Variants in ACOT12 observed in about 807,000 individuals in gnomAD.
The protein encoded by ACOT12 is acetyl-coenzyme A thioesterase.
A neutral mutation model predicts 67.7 loss-of-function variants in ACOT12; 51 were observed. The observed-to-expected ratio is 0.75, with a 90% CI of 0.60 to 0.95. The LOEUF (loss-of-function observed/expected upper bound fraction) is 0.95, where lower values mean the gene tolerates loss of function less well. Ranked by LOEUF, ACOT12 falls within the 40% of genes least tolerant of loss-of-function variation. The probability of loss-of-function intolerance (pLI) is 0.00; values close to 1 mark genes in which losing one functional copy is unlikely to be tolerated. For synonymous variants in ACOT12, 251 were observed against 244.6 expected, an observed-to-expected ratio of 1.03 and a Z score of -0.24; for missense variants, 734 against 708.1, an observed-to-expected ratio of 1.04 and a Z score of -0.41.
intron 2 of ACOT12, among the ~76,000 whole-genome samples, chr5:81,384,423 C>A (rs1760673313): frequency 6.6e-6 from 1 of 152,022 alleles, no homozygotes; most frequent in South Asian, 2.1e-4. Context: ...CAGGTGTGAG[C>A]CACCACGCCT....
downstream of ACOT12, among the ~76,000 whole-genome samples, chr5:81,326,101 A>ACCCAG (rs1758667699): frequency 7.4e-6 from 1 of 135,558 alleles, no homozygotes; most frequent in Non-Finnish European, 1.6e-5. Flanking sequence ...GCGACTGCAC[A>ACCCAG]CCCAGCCCTG....
At position 81,344,848 on chromosome 5, in the gene ACOT12, A is replaced by G. The variant is rs377275541; in HGVS notation, c.924+43T>C. ...GAGGAGATTCTAGGTAGAGCTCTCT[A>G]TTCACAGGTCCGGCTATTGAACCTC... On this transcript the variant is annotated intron_variant, in intron 8 of 14. Transcript: ENST00000307624. 1.6e-5 allele frequency: 26 copies of G among 1,609,728 alleles called. 1 individual carries two copies. The highest frequency in any genetic ancestry group is 6.7e-5 in the East Asian group (3 of 44,834).
At chr5:81,323,864 A>G in the ACOT12 span, among the ~76,000 whole-genome samples, 6 of 146,272 alleles carry the variant, frequency 4.1e-5, no homozygotes, top group Admixed American at 3.5e-4. Flanking sequence ...GTATATGCAT[A>G]TGTATATATG....
intron 10 of ACOT12, 53 bp downstream of exon 10, chr5:81,343,764 AT>A: frequency 6.3e-7 from 1 of 1,582,788 alleles, no homozygotes; most frequent in Non-Finnish European, 8.6e-7. Flanking sequence ...GCGGATTTCC[AT>A]TTTTGTAATG....
chr5:81,317,250 C>G, the ACOT12 span, among the ~76,000 whole-genome samples: 1,056 of 152,186 alleles, frequency 6.9e-3, 21 homozygotes, highest in African/African-American at 0.024. Flanking sequence ...GCCTGTAATC[C>G]CAGCACTTTG....
At chr5:81,327,084 A>C (rs1449847978), downstream of ACOT12, among the ~76,000 whole-genome samples, 2 of 151,878 alleles carry the variant, frequency 1.3e-5, no homozygotes, top group Admixed American at 6.6e-5. Context: ...TAACTATGCC[A>C]GTAAAATGTC....
At position 81,344,332 on chromosome 5, in the gene ACOT12, T is replaced by C; in HGVS notation, c.925-117A>G. On this transcript the variant is annotated intron_variant, in intron 8 of 14. Transcript: ENST00000307624. ...GTCAAAAGGGCTAACTGAGATGTGGTGTCTCTCCATGAACTGACTTCATCA... is the reference window on the plus strand; with the variant it reads ...GTCAAAAGGGCTAACTGAGATGTGGCGTCTCTCCATGAACTGACTTCATCA... The C allele has an allele frequency of 3.1e-6, 3 of 981,864 alleles. No individual in the cohort carries two copies. The South Asian group carries it at 5.3e-5, about 17-fold the overall frequency. The allele number at this position is 981,864 out of a possible 1,614,324, so 60.8% of individuals were successfully genotyped here.
intron 2 of ACOT12, among the ~76,000 whole-genome samples, chr5:81,377,384 T>C (rs1760451618): frequency 1.3e-5 from 2 of 152,120 alleles, no homozygotes; most frequent in Admixed American, 6.6e-5. Flanking sequence ...GCCAATATAA[T>C]ACTGAATGGG....
intron 2 of ACOT12, among the ~76,000 whole-genome samples, chr5:81,377,783 T>G (rs1760464026): frequency 6.6e-6 from 1 of 152,168 alleles, no homozygotes; most frequent in Non-Finnish European, 1.5e-5. Context: ...TTACAAGGGA[T>G]GTGAAGGACC....
intron 2 of ACOT12, among the ~76,000 whole-genome samples, chr5:81,376,022 T>C (rs1242431125): frequency 6.6e-6 from 1 of 152,042 alleles, no homozygotes; most frequent in Non-Finnish European, 1.5e-5. Context: ...CCACCCCAAA[T>C]GAACAGAATA....
In ACOT12 at chr5:81,356,854, C is replaced by T. The variant is rs118134607; in HGVS notation, c.496+3049G>A. Among the ~76,000 whole-genome samples the T allele has an allele frequency of 5.3e-4, 80 of 152,104 alleles. No homozygotes were observed. The East Asian group carries it at 0.013, about 25-fold the overall frequency. ...GGTTTAGGCACCCCTCGCCTTTCGC[C>T]TGGTCTCTCTCCCTCTAGCCAGAGT... On this transcript the variant is annotated intron_variant, in intron 5 of 14. Transcript: ENST00000307624.
the ACOT12 span, among the ~76,000 whole-genome samples, chr5:81,314,267 G>A: frequency 1.3e-5 from 2 of 151,924 alleles, no homozygotes; most frequent in East Asian, 3.9e-4. Flanking sequence ...ACCACACCCC[G>A]CTAATTTTTG....
At position 81,330,658 on chromosome 5, in the gene ACOT12, CCTT is replaced by C. The variant is rs1198381372; in HGVS notation, c.1519-118_1519-116del. Reference sequence around the variant, plus strand: ...GCTAAGACCCTAATCTTCTGGGGGACCTTCTGGAATAGATGATCCGAAAGGATG... The same window carrying C: ...GCTAAGACCCTAATCTTCTGGGGGACCTGGAATAGATGATCCGAAAGGATG... On this transcript the variant is annotated intron_variant, in intron 14 of 14. Transcript: ENST00000307624. 3.4e-6 allele frequency: 5 copies of C among 1,472,806 alleles called. No homozygotes were observed. The African/African-American group carries it at 7.1e-5, about 21-fold the overall frequency. The allele number at this position is 1,472,806 out of a possible 1,614,324, so 91.2% of individuals were successfully genotyped here.
At chr5:81,313,751 A>G in the ACOT12 span, among the ~76,000 whole-genome samples, 1 of 152,202 alleles carries the variant, frequency 6.6e-6, no homozygotes, top group Non-Finnish European at 1.5e-5. Flanking sequence ...CCAAATAAGA[A>G]AAGAAACACT....
chr5:81,387,903 T>A (rs1760773222), intron 1 of ACOT12, among the ~76,000 whole-genome samples: 2 of 152,126 alleles, frequency 1.3e-5, no homozygotes, highest in Non-Finnish European at 2.9e-5. Context: ...AGTAAAAAAA[T>A]TAAACTTTTA....
chr5:81,371,658 T>A, intron 3 of ACOT12, 92 bp downstream of exon 3: 1 of 1,263,682 alleles, frequency 7.9e-7, no homozygotes, highest in South Asian at 1.2e-5. Context: ...TCTCACTAAC[T>A]CCAAATATTA....
intron 12 of ACOT12, among the ~76,000 whole-genome samples, chr5:81,334,576 G>A (rs1758937450): frequency 1.3e-5 from 2 of 152,178 alleles, no homozygotes; most frequent in Admixed American, 1.3e-4. Context: ...CCTCAGAGAT[G>A]TTTCACTTTA....
intron 5 of ACOT12, among the ~76,000 whole-genome samples, chr5:81,351,050 G>C (rs1296381061): frequency 6.6e-6 from 1 of 152,160 alleles, no homozygotes; most frequent in African/African-American, 2.4e-5. Context: ...TTTTCTGCCT[G>C]CTGAGATGTG....
chr5:81,374,065 G>A (rs1760336854), intron 2 of ACOT12, among the ~76,000 whole-genome samples: 1 of 152,158 alleles, frequency 6.6e-6, no homozygotes, highest in South Asian at 2.1e-4. Flanking sequence ...AGTAGGGGCC[G>A]ACAGACACCT....
Sources: gnomAD v4.1 joint callset for allele counts (sites outside exome capture counted in the v4.1 genomes callset) on GRCh38, gnomAD v4.1.1 for gene constraint, MANE v1.5 for transcripts, NCBI Gene and HGNC (gene_info 2026-07-23, HGNC 2026-07-21) for gene names.